Variants in ABCA3 observed in about 807,000 individuals in gnomAD.
ABCA3 encodes phospholipid-transporting ATPase ABCA3.
In ABCA3, 88 loss-of-function variants were observed where a neutral mutation model predicts 172.8. The observed-to-expected ratio is 0.51, with a 90% CI of 0.43 to 0.61. The LOEUF is 0.61. ABCA3 is among the 20% of genes least tolerant of loss of function. ABCA3 has a pLI of 0.00. For missense variants in ABCA3, 2,164 were observed against 2,301.0 expected (o/e 0.94, Z 1.22); for synonymous variants, 1,066 against 983.8 (o/e 1.08, Z -1.56).
Position 2,316,490 on chromosome 16 carries a change from C to CAAAAAAAAAAAAAAAAAAAAA in ABCA3, c.1111+772_1111+792dup, listed in dbSNP as rs71148128. 3.1e-4 allele frequency among the ~76,000 whole-genome samples: 9 copies of CAAAAAAAAAAAAAAAAAAAAA among 28,872 alleles called. 3 individuals are homozygous for CAAAAAAAAAAAAAAAAAAAAA. Among genetic ancestry groups the CAAAAAAAAAAAAAAAAAAAAA allele is most frequent in the Non-Finnish European group, 6.9e-4 (9 of 13,002 alleles). The allele number at this position is 28,872 out of a possible 152,430, so 18.9% of individuals were successfully genotyped here. On this transcript the variant is annotated intron_variant, in intron 10 of 32. Coordinates refer to ENST00000301732, the MANE Select transcript of ABCA3 (RefSeq NM_001089.3). ...CAAAACCCCGTCTCTACTAAAAATGCAAAAAAAAAAAAAAAAAAAAAAAAA... is the reference window on the plus strand; with the variant it reads ...CAAAACCCCGTCTCTACTAAAAATGCAAAAAAAAAAAAAAAAAAAAAAAAAAAAAAAAAAAAAAAAAAAAAA...
At chr16:2,311,593 G>C (rs767669213) in intron 10 of ABCA3, among the ~76,000 whole-genome samples, 1 of 152,156 alleles carries the variant, frequency 6.6e-6, no homozygotes, top group African/African-American at 2.4e-5. Context: ...CACGATCTTG[G>C]CTCAATGCAA....
chr16:2,339,341 T>C (rs2093756736), intron 1 of ABCA3: 1 of 152,162 alleles, frequency 6.6e-6, no homozygotes, highest in Non-Finnish European at 1.5e-5. Context: ...GGTAAGTCAC[T>C]TTAGGAAGGG....
At position 2,297,092 on chromosome 16, in the gene ABCA3, C is replaced by G. The variant is rs894334725; in HGVS notation, c.2263+237G>C. ...AGTGGCACTAGGCTTGGCCTCTGTTCTTCTGGTCATGGCTGAACCACATCC... is the reference window on the plus strand; with the variant it reads ...AGTGGCACTAGGCTTGGCCTCTGTTGTTCTGGTCATGGCTGAACCACATCC... On this transcript the variant is annotated intron_variant, in intron 17 of 32. Transcript: ENST00000301732. This position sits in a 1 kb window ranked among gnomAD's most constrained non-coding sequence, Gnocchi z 5.6. Among the ~76,000 whole-genome samples the G allele has an allele frequency of 1.3e-5, 2 of 152,166 alleles. No individual in the cohort carries two copies. The highest frequency in any genetic ancestry group is 4.8e-5 in the African/African-American group (2 of 41,442).
intron 1 of ABCA3, among the ~76,000 whole-genome samples, chr16:2,334,240 C>G (rs1203583658): frequency 6.6e-6 from 1 of 151,946 alleles, no homozygotes; most frequent in Non-Finnish European, 1.5e-5. Context: ...TGGAGACAGA[C>G]TGTGTATGGG....
chr16:2,292,219 T>C lies in ABCA3; in HGVS notation c.2434A>G (p.Lys812Glu), dbSNP rs2093673183. ...AGCTCTTTCTGCTTCTTCTCCAGTT[T>C]AGCAAAGAGACCTTCAAACCTGAAA... ...STHRFEGLFA[K>E]LEKKQKELGI... is the part of the protein sequence containing the mutation. Residue 812 changes from lysine (K) to glutamate (E), a missense_variant, in exon 19 of 33, where the codon AAA (lysine) becomes GAA (glutamate). Around this residue, in one of 3 missense-constraint regions of ABCA3, gnomAD observed 1,343 missense variants for 1,369.6 expected, o/e 0.98. Coordinates refer to ENST00000301732, the MANE Select transcript of ABCA3 (RefSeq NM_001089.3). The C allele has an allele frequency of 1.2e-6, 2 of 1,613,844 alleles. No individual in the cohort carries two copies. The highest frequency in any genetic ancestry group is 1.7e-5 in the Admixed American group (1 of 60,006).
rs577712615 is a variant in ABCA3 at position 2,295,758 on chromosome 16, G to A, written c.2264-18C>T. ...GCCGGCACCTGGAATACAGGGCCAC[G>A]TGTGAGATCTTTGGCTGATCCCCCA... is the stretch of plus-strand genomic sequence containing the variant. On this transcript the variant is annotated intron_variant, in intron 17 of 32. Coordinates refer to ENST00000301732, the MANE Select transcript of ABCA3 (RefSeq NM_001089.3). The A allele has an allele frequency of 2.4e-5, 39 of 1,613,668 alleles. No homozygotes were observed. The highest frequency in any genetic ancestry group is 3.3e-4 in the Middle Eastern group (2 of 6,050).
chr16:2,319,371 A>G (rs556688346), intron 8 of ABCA3, among the ~76,000 whole-genome samples: 2 of 151,910 alleles, frequency 1.3e-5, no homozygotes, highest in Non-Finnish European at 2.9e-5. Flanking sequence ...TATAGTCCCA[A>G]CTACTCGGGA....
chr16:2,285,113 C>T lies in ABCA3; in HGVS notation c.3484-115G>A. On this transcript the variant is annotated intron_variant, in intron 23 of 32. Transcript: ENST00000301732. This position sits in a 1 kb window ranked among gnomAD's most constrained non-coding sequence, Gnocchi z 4.7. ...TCAGACCCCTCCCGGTCAGCTGGCC[C>T]ATGTCCATCAGCCCCACAGGCCACG... 1 of 1,200,666 alleles carries T rather than the reference C, an allele frequency of 8.3e-7. No homozygotes were observed. The highest frequency in any genetic ancestry group is 1.2e-6 in the Non-Finnish European group (1 of 842,132). 74.4% of individuals were successfully genotyped at this position (1,200,666 alleles called of 1,614,324 possible).
intron 7 of ABCA3, among the ~76,000 whole-genome samples, chr16:2,321,343 C>A (rs994802484): frequency 1.5e-4 from 23 of 152,282 alleles, no homozygotes; most frequent in African/African-American, 4.6e-4. Context: ...TAAAATCTTG[C>A]CCTAGAGCAT....
At chr16:2,326,943 G>A (rs1201701965) in intron 3 of ABCA3, among the ~76,000 whole-genome samples, 2 of 152,054 alleles carry the variant, frequency 1.3e-5, no homozygotes, top group Admixed American at 6.6e-5. Flanking sequence ...AGCCAAGATC[G>A]TGCCACTGCC....
At chr16:2,280,934 G>A in intron 28 of ABCA3, 93 bp downstream of exon 28, 2 of 1,529,334 alleles carry the variant, frequency 1.3e-6, no homozygotes, top group Non-Finnish European at 9.0e-7. Context: ...TGCAGCAGCT[G>A]TTTGGGGACA....
intron 18 of ABCA3, among the ~76,000 whole-genome samples, chr16:2,293,893 G>C (rs542438959): frequency 6.6e-6 from 1 of 151,904 alleles, no homozygotes; most frequent in Non-Finnish European, 1.5e-5. Context: ...TGTCGCCCAA[G>C]CTGATCTCCT....
intron 1 of ABCA3, chr16:2,332,868 G>A (rs1262695718): frequency 1.1e-5 from 6 of 548,012 alleles, no homozygotes; most frequent in African/African-American, 3.8e-5. Flanking sequence ...GTGCCGTTGC[G>A]TGAGCAGGGC....
intron 12 of ABCA3, 107 bp from the exon 13 acceptor site, chr16:2,300,255 T>C: frequency 5.4e-6 from 8 of 1,490,196 alleles, no homozygotes; most frequent in Non-Finnish European, 7.4e-6. Flanking sequence ...GTCCCAGGAC[T>C]TCGAGGCACT....
chr16:2,301,527 C>T (rs560961039), intron 12 of ABCA3, among the ~76,000 whole-genome samples: 3 of 151,702 alleles, frequency 2.0e-5, no homozygotes, highest in Middle Eastern at 6.9e-3. Context: ...GCCAACATGG[C>T]GAAACCCCGT....
Position 2,283,073 on chromosome 16 carries a change from G to A in ABCA3, c.4035+113C>T. On this transcript the variant is annotated intron_variant, in intron 26 of 32. Transcript: ENST00000301732. The surrounding 1 kb of genome is among the most constrained non-coding windows in gnomAD (Gnocchi z 5.4). ...GAGGCCGTACAGTGGGAGACCATCT[G>A]GTGCAGGAGCTGCCTGGTGGAGAAG... 1 of 1,226,810 alleles carries A rather than the reference G, an allele frequency of 8.2e-7. No homozygotes were observed. The highest frequency in any genetic ancestry group is 1.2e-6 in the Non-Finnish European group (1 of 861,044). The allele number at this position is 1,226,810 out of a possible 1,614,324, so 76.0% of individuals were successfully genotyped here. A position where few individuals can be genotyped will look rare whatever the true frequency, so the allele number is the denominator to read the frequency against.
Position 2,283,453 on chromosome 16 carries a change from G to T in ABCA3, c.3863-95C>A. On this transcript the variant is annotated intron_variant, in intron 25 of 32. Transcript: ENST00000301732. The surrounding 1 kb of genome is among the most constrained non-coding windows in gnomAD (Gnocchi z 5.4). ...CCACTCCCCTCCCCAGGCTGCTCAA[G>T]GCGCCTGTAACAATGTCCCCTCCAT... 7.0e-7 allele frequency: 1 copy of T among 1,437,632 alleles called. No homozygotes were observed. The highest frequency in any genetic ancestry group is 9.5e-7 in the Non-Finnish European group (1 of 1,053,940). The allele number at this position is 1,437,632 out of a possible 1,614,324, so 89.1% of individuals were successfully genotyped here. A position where few individuals can be genotyped will look rare whatever the true frequency, so the allele number is the denominator to read the frequency against.
chr16:2,332,407 TCATA>T, intron 1 of ABCA3: 1 of 1,191,264 alleles, frequency 8.4e-7, no homozygotes, highest in Non-Finnish European at 1.2e-6. Flanking sequence ...CAGGGTCCGG[TCATA>T]CAGGATGAGG....
chr16:2,299,674 G>T, intron 13 of ABCA3, 142 bp from the exon 14 acceptor site: 1 of 1,340,426 alleles, frequency 7.5e-7, no homozygotes, highest in East Asian at 2.3e-5. Context: ...GGGACGTTTC[G>T]GGCAGATGCT....
Sources: allele counts gnomAD v4.1 joint callset (sites outside exome capture counted in the v4.1 genomes callset), GRCh38; gene constraint gnomAD v4.1.1; regional missense constraint gnomAD v4.1.1; non-coding constraint Gnocchi (gnomAD v3.1); transcripts MANE v1.5; gene names NCBI Gene and HGNC (gene_info 2026-07-23, HGNC 2026-07-21).